Variants in TTK observed in about 807,000 individuals in gnomAD.
TTK encodes the protein dual specificity protein kinase TTK.
TTK carries 59 observed loss-of-function variants against 117.3 expected under a neutral mutation model. The ratio of observed to expected loss-of-function variants is 0.50; its 90% CI spans 0.41 to 0.62. The LOEUF (loss-of-function observed/expected upper bound fraction) is 0.62, where lower values mean the gene tolerates loss of function less well. Ranked by LOEUF, TTK falls within the 20% of genes least tolerant of loss-of-function variation. TTK has a pLI of 0.00. For missense variants in TTK, 921 were observed against 989.4 expected, an observed-to-expected ratio of 0.93 and a Z score of 0.93; for synonymous variants, 302 against 325.0, an observed-to-expected ratio of 0.93 and a Z score of 0.76.
intron 2 of TTK, 50 bp downstream of exon 2, chr6:80,006,032 TA>T: frequency 1.3e-6 from 2 of 1,576,564 alleles, no homozygotes; most frequent in Non-Finnish European, 1.7e-6. Context: ...GGGTATCCTC[TA>T]AGGTAAAGAT....
At chr6:80,038,787 C>T (rs1279786377) in intron 18 of TTK, among the ~76,000 whole-genome samples, 5 of 152,050 alleles carry the variant, frequency 3.3e-5, no homozygotes, top group East Asian at 1.9e-4. Context: ...TCTTCTAAAA[C>T]TTAAATTTCT....
intron 10 of TTK, among the ~76,000 whole-genome samples, chr6:80,021,454 C>G (rs1020635110): frequency 6.6e-6 from 1 of 152,186 alleles, no homozygotes; most frequent in African/African-American, 2.4e-5. Context: ...GTAACTGACT[C>G]AAGTCCGGCT....
At chr6:80,040,459 GTATT>G (rs1453817106) in intron 20 of TTK, 143 bp from the exon 21 acceptor site, 3 of 864,752 alleles carry the variant, frequency 3.5e-6, no homozygotes, top group Non-Finnish European at 5.1e-6. Flanking sequence ...TTTACTTCTG[GTATT>G]TATTTTTACT....
Position 80,035,974 on chromosome 6 carries a change from C to T in TTK, c.1925-501C>T, listed in dbSNP as rs989857903. Among the ~76,000 whole-genome samples, 3 of 152,062 alleles carry T rather than the reference C, an allele frequency of 2.0e-5. No individual in the cohort carries two copies. In the East Asian group the frequency reaches 5.8e-4, roughly 29 times the overall value. On this transcript the variant is annotated intron_variant, in intron 16 of 21. Coordinates refer to ENST00000369798, the MANE Select transcript of TTK (RefSeq NM_003318.5). ...ATTTATCTCCTCCTCATCTCTCTCT[C>T]TTAAATTATCTTAAAAGATAATTCA... is the stretch of plus-strand genomic sequence containing the variant.
At chr6:80,030,588 T>C (rs1412669595) in intron 13 of TTK, among the ~76,000 whole-genome samples, 1 of 151,992 alleles carries the variant, frequency 6.6e-6, no homozygotes, top group Non-Finnish European at 1.5e-5. Context: ...AGGGAGCAAA[T>C]GTCACATGGC....
intron 10 of TTK, among the ~76,000 whole-genome samples, chr6:80,016,022 TACTC>T (rs752605531): frequency 2.0e-5 from 3 of 152,236 alleles, no homozygotes; most frequent in South Asian, 2.1e-4. Flanking sequence ...TGTATTTGCT[TACTC>T]ACTGTTGTTT....
intron 8 of TTK, among the ~76,000 whole-genome samples, chr6:80,012,807 T>C (rs1454749502): frequency 1.3e-5 from 2 of 152,084 alleles, no homozygotes; most frequent in Non-Finnish European, 2.9e-5. Context: ...TTCAAATACC[T>C]AGCTCAAGAA....
chr6:80,024,736 G>C (rs1451923320), intron 11 of TTK, among the ~76,000 whole-genome samples: 1 of 152,192 alleles, frequency 6.6e-6, no homozygotes, highest in African/African-American at 2.4e-5. Flanking sequence ...AGTACACGTA[G>C]AAAGAAAAAG....
intron 4 of TTK, among the ~76,000 whole-genome samples, chr6:80,009,005 A>G (rs1463382764): frequency 6.7e-6 from 1 of 150,176 alleles, no homozygotes; most frequent in Non-Finnish European, 1.5e-5. Context: ...AAAAAAGTAA[A>G]CTGCTGTAGA....
At chr6:80,037,866 A>G in intron 17 of TTK, 101 bp from the exon 18 acceptor site, 1 of 35,456 alleles carries the variant, frequency 2.8e-5, no homozygotes, top group Non-Finnish European at 4.0e-5. Context: ...AACTTAAAGT[A>G]TAATAATAAT....
intron 10 of TTK, 47 bp downstream of exon 10, chr6:80,014,633 C>T (rs368948811): frequency 6.6e-7 from 1 of 1,521,040 alleles, no homozygotes; most frequent in Admixed American, 2.1e-5. Context: ...TTAAGAAAAC[C>T]ACTTGATAGC....
Position 80,013,310 on chromosome 6 carries a change from G to T in TTK, c.928G>T (p.Val310Phe), listed in dbSNP as rs761475326. The T allele has an allele frequency of 6.2e-7, 1 of 1,602,618 alleles. No homozygotes were observed. The highest frequency in any genetic ancestry group is 1.7e-5 in the Admixed American group (1 of 57,212). The change falls in exon 9 of 22, where the codon GTT (valine) becomes TTT (phenylalanine). Residue 310 changes from valine (V) to phenylalanine (F), a missense_variant. Coordinates refer to ENST00000369798, the MANE Select transcript of TTK (RefSeq NM_003318.5). The stretch of plus-strand genomic sequence containing the variant: ...CTCTAGATCAGAATGCCGAGATTTG[G>T]TTGTGCCTGGATCTAAACCAAGTGG... ...QTSRSECRDL[V>F]VPGSKPSGND...
rs1767950650 is a variant in TTK, at chr6:80,037,967, G to T, written c.2050G>T (p.Val684Phe). The T allele has an allele frequency of 1.2e-6, 2 of 1,602,314 alleles. No individual in the cohort carries two copies. Among genetic ancestry groups the T allele is most frequent in the South Asian group, 2.2e-5 (2 of 89,324 alleles). The change falls in exon 18 of 22, where the codon GTT (valine) becomes TTT (phenylalanine). Residue 684 changes from valine (V) to phenylalanine (F), a missense_variant and splice_region_variant. Coordinates refer to ENST00000369798, the MANE Select transcript of TTK (RefSeq NM_003318.5). The stretch of plus-strand genomic sequence containing the variant: ...GTGTTTTCTCTGACTTGGCATATAG[G>T]TTGGCACAGTTAATTATATGCCACC... ...DTTSVVKDSQ[V>F]GTVNYMPPEA...
intron 6 of TTK, 82 bp from the exon 7 acceptor site, chr6:80,011,647 G>A: frequency 6.4e-7 from 1 of 1,550,662 alleles, no homozygotes; most frequent in Non-Finnish European, 8.9e-7. Context: ...GTTTTCATGT[G>A]TGTGATAATG....
At chr6:80,008,116 G>A in intron 3 of TTK, 85 bp downstream of exon 3, 1 of 1,414,058 alleles carries the variant, frequency 7.1e-7, no homozygotes, top group South Asian at 1.4e-5. Context: ...AAACATGGCA[G>A]TATTGTGAGA....
intron 11 of TTK, among the ~76,000 whole-genome samples, chr6:80,025,825 G>A (rs1158724750): frequency 6.7e-6 from 1 of 148,956 alleles, no homozygotes; most frequent in Non-Finnish European, 1.5e-5. Flanking sequence ...CTTCATCATT[G>A]TTTGGGGTTT....
At chr6:80,011,088 A>AGGT in intron 5 of TTK, 131 bp downstream of exon 5, 1 of 1,174,318 alleles carries the variant, frequency 8.5e-7, no homozygotes, top group African/African-American at 1.6e-5. Flanking sequence ...TAAAGGAGGT[A>AGGT]AGACTGAGAA....
At chr6:80,026,264 G>C (rs1233484483) in intron 11 of TTK, 114 bp from the exon 12 acceptor site, 4 of 1,076,022 alleles carry the variant, frequency 3.7e-6, no homozygotes, top group Non-Finnish European at 1.3e-6. Context: ...CTTTTAGTAT[G>C]CCTTTGTATA....
intron 10 of TTK, among the ~76,000 whole-genome samples, chr6:80,015,586 A>G (rs766527431): frequency 2.0e-5 from 3 of 152,268 alleles, no homozygotes; most frequent in African/African-American, 4.8e-5. Flanking sequence ...AAAAAACATT[A>G]TTTTGGTTGG....
Sources: gnomAD v4.1 joint callset for allele counts (sites outside exome capture counted in the v4.1 genomes callset) on GRCh38, gnomAD v4.1.1 for gene constraint, MANE v1.5 for transcripts, NCBI Gene and HGNC (gene_info 2026-07-23, HGNC 2026-07-21) for gene names.